STK32B: variants seen among roughly 807,000 people sequenced by gnomAD.
The protein encoded by STK32B is serine/threonine kinase 32B, also known as serine/threonine-protein kinase 32B.
Under a neutral mutation model 52.6 loss-of-function variants are expected in STK32B, and 43 were observed. That is an observed-to-expected ratio of 0.82 (90% CI 0.64 to 1.05). The LOEUF is 1.05. STK32B is among the 50% of genes least tolerant of loss of function. STK32B has a pLI of 0.00. For missense variants in STK32B, 621 were observed against 534.6 expected (o/e 1.16, Z -1.59); for synonymous variants, 238 against 204.3 (o/e 1.17, Z -1.41).
intron 4 of STK32B, among the ~76,000 whole-genome samples, chr4:5,387,042 T>C (rs1198371009): frequency 6.6e-6 from 1 of 152,182 alleles, no homozygotes; most frequent in Non-Finnish European, 1.5e-5. Flanking sequence ...CGTGGCAAGA[T>C]GCACACTGCT....
At chr4:5,234,131 A>G (rs1052000366) in intron 3 of STK32B, among the ~76,000 whole-genome samples, 3 of 152,234 alleles carry the variant, frequency 2.0e-5, no homozygotes, top group Admixed American at 1.3e-4. Flanking sequence ...ATTTACAAAT[A>G]TAAATCATAC....
chr4:5,222,982 C>T (rs1723634672), intron 3 of STK32B, among the ~76,000 whole-genome samples: 1 of 152,186 alleles, frequency 6.6e-6, no homozygotes, highest in Non-Finnish European at 1.5e-5. Context: ...GTGCCAGGGC[C>T]TTGAGGCAGA....
At chr4:5,436,459 A>G in intron 6 of STK32B, 1 of 323,494 alleles carries the variant, frequency 3.1e-6, no homozygotes, top group Non-Finnish European at 4.4e-6. Context: ...AGCCACCGTG[A>G]TGGGAAGATC....
intron 4 of STK32B, among the ~76,000 whole-genome samples, chr4:5,351,464 G>C (rs1436177079): frequency 2.0e-5 from 3 of 152,018 alleles, no homozygotes; most frequent in African/African-American, 7.2e-5. Flanking sequence ...AGAAAAAGCA[G>C]TGCTAAGAGG....
chr4:5,364,281 ATAATT>A (rs1306358133), intron 4 of STK32B, among the ~76,000 whole-genome samples: 1 of 152,238 alleles, frequency 6.6e-6, no homozygotes, highest in African/African-American at 2.4e-5. Context: ...TTAAGAAAAA[ATAATT>A]TTATTTTAGA....
At chr4:5,189,027 GAA>G (rs80335058) in intron 3 of STK32B, among the ~76,000 whole-genome samples, 7,642 of 145,056 alleles carry the variant, frequency 0.053, 363 homozygotes, top group Admixed American at 0.16. Context: ...AAAAAAAAAA[GAA>G]AAACAGATGT....
intron 3 of STK32B, among the ~76,000 whole-genome samples, chr4:5,260,676 A>T (rs1726654332): frequency 6.6e-6 from 1 of 152,204 alleles, no homozygotes; most frequent in Non-Finnish European, 1.5e-5. Context: ...CATCTGGCAC[A>T]TGTCAGACGG....
At chr4:5,466,367 A>C (rs1196133138) in intron 9 of STK32B, among the ~76,000 whole-genome samples, 1 of 152,212 alleles carries the variant, frequency 6.6e-6, no homozygotes, top group Non-Finnish European at 1.5e-5. Flanking sequence ...ATGACAGGAC[A>C]ATGTGCATAG....
rs143808107 is a variant in STK32B, at chr4:5,188,311, T to TA, written c.260+19862dup. Among the ~76,000 whole-genome samples, 88 of 152,298 alleles carry TA rather than the reference T, an allele frequency of 5.8e-4. 1 individual carries two copies. The East Asian group carries it at 0.013, about 23-fold the overall frequency. On this transcript the variant is annotated intron_variant, in intron 3 of 11. Coordinates refer to ENST00000282908, the MANE Select transcript of STK32B (RefSeq NM_018401.3). ...CCGCAGAAATAGCATTCGCATGTAA[T>TA]ACATTTTAATGGGAAGTATTCACCT...
At position 5,172,986 on chromosome 4, in the gene STK32B, A is replaced by C. The variant is rs369304712; in HGVS notation, c.260+4536A>C. On this transcript the variant is annotated intron_variant, in intron 3 of 11. Transcript: ENST00000282908. Reference sequence around the variant, plus strand: ...CTATTAATTATTGCCTCAATTTCAGATCCTGTTATTGGTCTATTCAGAGAT... The same window carrying C: ...CTATTAATTATTGCCTCAATTTCAGCTCCTGTTATTGGTCTATTCAGAGAT... Among the ~76,000 whole-genome samples the C allele has an allele frequency of 6.6e-5, 10 of 152,248 alleles. No homozygotes were observed. The South Asian group carries it at 8.3e-4, about 13-fold the overall frequency.
chr4:5,033,257 G>T, the STK32B span, among the ~76,000 whole-genome samples: 16 of 152,238 alleles, frequency 1.1e-4, no homozygotes, highest in African/African-American at 3.9e-4. Context: ...GTGATACGGC[G>T]TCCACAGCTG....
chr4:5,256,968 T>C (rs1237138637), intron 3 of STK32B, among the ~76,000 whole-genome samples: 2 of 151,870 alleles, frequency 1.3e-5, no homozygotes, highest in Non-Finnish European at 2.9e-5. Context: ...AGTGAGTGAG[T>C]GGATGAATAA....
intron 3 of STK32B, among the ~76,000 whole-genome samples, chr4:5,176,922 G>A (rs888236433): frequency 1.3e-5 from 2 of 152,178 alleles, no homozygotes; most frequent in Non-Finnish European, 1.5e-5. Context: ...CCTACTGCTT[G>A]ACTTTGGAGT....
intron 11 of STK32B, among the ~76,000 whole-genome samples, chr4:5,474,013 C>G (rs1718039586): frequency 1.3e-5 from 2 of 151,940 alleles, no homozygotes; most frequent in Admixed American, 1.3e-4. Context: ...ACTTGGGAGG[C>G]TAAGTCAGGA....
At chr4:5,376,120 C>A (rs999501880) in intron 4 of STK32B, among the ~76,000 whole-genome samples, 35 of 152,298 alleles carry the variant, frequency 2.3e-4, no homozygotes, top group African/African-American at 8.4e-4. Context: ...TTTTCCAGGT[C>A]CTGTGGGGGT....
intron 11 of STK32B, among the ~76,000 whole-genome samples, chr4:5,478,915 G>A (rs1446512042): frequency 6.6e-6 from 1 of 152,036 alleles, no homozygotes; most frequent in East Asian, 1.9e-4. Flanking sequence ...ATTTCTGCTG[G>A]GGCTTCCCAT....
rs976048781 is a variant in STK32B at position 5,371,042 on chromosome 4, A to ATG, written c.435-27151_435-27150dup. Reference sequence around the variant, plus strand: ...TATATGTGTATATATATGTATATATATGTGTGTGTGTGTGTATATATTCTA... The same window carrying ATG: ...TATATGTGTATATATATGTATATATATGTGTGTGTGTGTGTGTATATATTCTA... On this transcript the variant is annotated intron_variant, in intron 4 of 11. Coordinates refer to ENST00000282908, the MANE Select transcript of STK32B (RefSeq NM_018401.3). Among the ~76,000 whole-genome samples, 517 of 149,306 alleles carry ATG rather than the reference A, an allele frequency of 3.5e-3. 5 individuals are homozygous for ATG. Among genetic ancestry groups the ATG allele is most frequent in the Middle Eastern group, 0.011 (3 of 280 alleles).
intron 5 of STK32B, among the ~76,000 whole-genome samples, chr4:5,404,120 C>T (rs186426926): frequency 9.9e-5 from 15 of 152,094 alleles, no homozygotes; most frequent in Middle Eastern, 3.4e-3. Context: ...GCAAATGGCC[C>T]CTGTATTTTC....
intron 3 of STK32B, among the ~76,000 whole-genome samples, chr4:5,317,971 ACT>A (rs1159831270): frequency 1.3e-5 from 2 of 152,042 alleles, no homozygotes; most frequent in Admixed American, 6.6e-5. Context: ...CAAGTCAGAA[ACT>A]CTGAGGTGAG....
Sources: gnomAD v4.1 joint callset for allele counts (sites outside exome capture counted in the v4.1 genomes callset) on GRCh38, gnomAD v4.1.1 for gene constraint, MANE v1.5 for transcripts, NCBI Gene and HGNC (gene_info 2026-07-23, HGNC 2026-07-21) for gene names.